RAB7A: variants seen among roughly 807,000 people sequenced by gnomAD.
RAB7A encodes RAB7A, member RAS oncogene family.
A neutral mutation model predicts 24.5 loss-of-function variants in RAB7A; 2 were observed. The observed-to-expected ratio is 0.08, with a 90% CI of 0.03 to 0.26. RAB7A has a LOEUF of 0.26. Among genes scored for constraint, RAB7A ranks in the 10% least tolerant of loss-of-function variants. The pLI is 1.00. For synonymous variants in RAB7A, 100 were observed against 95.9 expected (o/e 1.04, Z -0.25); for missense variants, 118 against 255.7 (o/e 0.46, Z 3.67).
Position 128,764,977 on chromosome 3 carries a change from T to C in RAB7A, c.-8-30383T>C, listed in dbSNP as rs550424700. 61 of 1,595,946 alleles carry C rather than the reference T, an allele frequency of 3.8e-5. No individual in the cohort carries two copies. The Admixed American group carries it at 6.3e-4, about 17-fold the overall frequency. ...GTTGATGGCGGCCTCTGAGTCCTGG[T>C]GGTAGTTCTGGCGCACCTGCGAGGT... On this transcript the variant is annotated intron_variant, in intron 1 of 5. Transcript: ENST00000265062.
chr3:128,801,216 A>G lies in RAB7A; in HGVS notation c.180+3147A>G, dbSNP rs191262046. On this transcript the variant is annotated intron_variant, in intron 3 of 5. Transcript: ENST00000265062. ...ACAATACTGTATTGTACACTTAAAA[A>G]TTTGCATGCTGGATGCGGTGGCTCA... Among the ~76,000 whole-genome samples, 3 of 152,330 alleles carry G rather than the reference A, an allele frequency of 2.0e-5. No homozygotes were observed. The East Asian group carries it at 5.8e-4, about 29-fold the overall frequency.
chr3:128,742,890 G>A (rs535981685), intron 1 of RAB7A, among the ~76,000 whole-genome samples: 64 of 152,346 alleles, frequency 4.2e-4, no homozygotes, highest in African/African-American at 1.4e-3. Flanking sequence ...CCAGGGCCAC[G>A]GGCGGAGCTG....
chr3:128,751,129 C>T (rs774752919), intron 1 of RAB7A, among the ~76,000 whole-genome samples: 43 of 152,204 alleles, frequency 2.8e-4, no homozygotes, highest in Non-Finnish European at 5.1e-4. Flanking sequence ...GCAGGACTCT[C>T]ATGGAGAACC....
rs886057947 is a variant in RAB7A, at chr3:128,814,124, T to G, written c.*702T>G. 1.9e-5 allele frequency: 3 copies of G among 156,098 alleles called. No homozygotes were observed. The East Asian group carries it at 5.7e-4, about 30-fold the overall frequency. 9.7% of individuals were successfully genotyped at this position (156,098 alleles called of 1,614,324 possible). A position where few individuals can be genotyped will look rare whatever the true frequency, so the allele number is the denominator to read the frequency against. On this transcript the variant is annotated 3_prime_UTR_variant, in exon 6 of 6. Coordinates refer to ENST00000265062, the MANE Select transcript of RAB7A (RefSeq NM_004637.6). ...ATTCTTGGATTATGTGTTTAAGTCC[T>G]GTAATGCAGGCCTGTAAGGTGGAGG... is the stretch of plus-strand genomic sequence containing the variant.
rs548790648 is a variant in RAB7A at position 128,774,101 on chromosome 3, A to G, written c.-8-21259A>G. On this transcript the variant is annotated intron_variant, in intron 1 of 5. Transcript: ENST00000265062. Reference sequence around the variant, plus strand: ...ATTAAAAAAAAAAAAAAAAAGAAAAAAAATTTTTTTAAATATAAGGTAATC... The same window carrying G: ...ATTAAAAAAAAAAAAAAAAAGAAAAGAAATTTTTTTAAATATAAGGTAATC... 1.3e-4 allele frequency among the ~76,000 whole-genome samples: 19 copies of G among 151,042 alleles called. No individual in the cohort carries two copies. In the South Asian group the frequency reaches 4.0e-3, roughly 31 times the overall value.
At chr3:128,737,049 A>G (rs28576849) in intron 1 of RAB7A, among the ~76,000 whole-genome samples, 3 of 131,496 alleles carry the variant, frequency 2.3e-5, no homozygotes. Context: ...TTTATTTATT[A>G]TTTTTTGAGA....
chr3:128,730,903 A>C (rs2070429988), intron 1 of RAB7A, among the ~76,000 whole-genome samples: 1 of 152,160 alleles, frequency 6.6e-6, no homozygotes, highest in African/African-American at 2.4e-5. Context: ...GGGACTGTCT[A>C]CAGTTGGGAC....
At chr3:128,800,592 A>G (rs1424383954) in intron 3 of RAB7A, among the ~76,000 whole-genome samples, 2 of 151,770 alleles carry the variant, frequency 1.3e-5, no homozygotes, top group East Asian at 3.9e-4. Context: ...GTCATAATGA[A>G]ACTAAAAAAG....
chr3:128,767,090 T>G (rs963655203), intron 1 of RAB7A, among the ~76,000 whole-genome samples: 5 of 152,204 alleles, frequency 3.3e-5, no homozygotes, highest in African/African-American at 1.2e-4. Context: ...GCCTAGTGCC[T>G]GATCCTGCCT....
intron 1 of RAB7A, among the ~76,000 whole-genome samples, chr3:128,786,394 G>A (rs1933342292): frequency 6.6e-6 from 1 of 151,500 alleles, no homozygotes; most frequent in Non-Finnish European, 1.5e-5. Context: ...ATGCCTTTCT[G>A]GTCTCTCCTC....
intron 1 of RAB7A, among the ~76,000 whole-genome samples, chr3:128,795,064 A>G (rs1269438953): frequency 2.6e-5 from 4 of 152,166 alleles, no homozygotes; most frequent in Non-Finnish European, 5.9e-5. Flanking sequence ...AAGTTGGAGC[A>G]TTAGTTCAAA....
chr3:128,813,440 A>C lies in RAB7A; in HGVS notation c.*18A>C. 1.2e-6 allele frequency: 2 copies of C among 1,609,172 alleles called. No homozygotes were observed. Among genetic ancestry groups the C allele is most frequent in the Non-Finnish European group, 1.7e-6 (2 of 1,175,764 alleles). ...GTTGCTGAGGGGGCAGTGAGAGTTG[A>C]GCACAGAGTCCTTCACAAACCAAGA... On this transcript the variant is annotated 3_prime_UTR_variant, in exon 6 of 6. Transcript: ENST00000265062.
intron 1 of RAB7A, among the ~76,000 whole-genome samples, chr3:128,788,692 A>G (rs561321244): frequency 2.6e-5 from 4 of 152,168 alleles, no homozygotes; most frequent in Non-Finnish European, 2.9e-5. Context: ...CGAATTGCTA[A>G]CTGACCCCCA....
chr3:128,764,423 C>T, intron 1 of RAB7A: 1 of 736,010 alleles, frequency 1.4e-6, no homozygotes, highest in Non-Finnish European at 2.5e-6. Context: ...GCCTTAGTGA[C>T]CAGGGAATTC....
chr3:128,797,429 T>C (rs1933600982), intron 2 of RAB7A, among the ~76,000 whole-genome samples: 3 of 152,216 alleles, frequency 2.0e-5, no homozygotes, highest in Admixed American at 2.0e-4. Context: ...TTTGGTGATA[T>C]ATTGGTGCTT....
chr3:128,764,683 T>A (rs1224480225), intron 1 of RAB7A: 5 of 839,004 alleles, frequency 6.0e-6, no homozygotes, highest in Non-Finnish European at 8.2e-6. Flanking sequence ...TAGTGACTGA[T>A]TCACATTTTT....
chr3:128,732,559 A>G (rs1347252644), intron 1 of RAB7A, among the ~76,000 whole-genome samples: 1 of 152,102 alleles, frequency 6.6e-6, no homozygotes, highest in Non-Finnish European at 1.5e-5. Flanking sequence ...GGTGGTCAGT[A>G]CTTTGGGAGG....
At chr3:128,809,936 CTTTTTTTTTTTTTTTTTTTTTTT>C (rs869119619) in intron 5 of RAB7A, among the ~76,000 whole-genome samples, 6 of 52,262 alleles carry the variant, frequency 1.1e-4, no homozygotes, top group South Asian at 2.1e-3. Flanking sequence ...TTGCCACAGT[CTTTTTTTTTTTTTTTTTTTTTTT>C]TTTTTTTGAG....
intron 3 of RAB7A, among the ~76,000 whole-genome samples, chr3:128,805,423 G>A (rs1415725514): frequency 6.6e-6 from 1 of 152,036 alleles, no homozygotes; most frequent in Non-Finnish European, 1.5e-5. Context: ...TGCCTGTTAC[G>A]GATCTAGGGC....
Sources: gnomAD v4.1 joint callset for allele counts (sites outside exome capture counted in the v4.1 genomes callset) on GRCh38, gnomAD v4.1.1 for gene constraint, MANE v1.5 for transcripts, NCBI Gene and HGNC (gene_info 2026-07-23, HGNC 2026-07-21) for gene names.